The following CES5A variants were observed in gnomAD, a reference collection of about 807,000 sequenced individuals.
CES5A encodes carboxylesterase 5.
Under a neutral mutation model 62.9 loss-of-function variants are expected in CES5A, and 67 were observed. The observed-to-expected ratio is 1.07, with a 90% confidence interval of 0.88 to 1.31. The LOEUF (loss-of-function observed/expected upper bound fraction) is 1.31. Among genes scored for constraint, CES5A ranks in the 50% most tolerant of loss-of-function variants. The pLI, the probability that CES5A is intolerant of heterozygous loss-of-function variation, is 0.00. For synonymous variants in CES5A, 296 were observed against 280.8 expected (o/e 1.05, Z -0.54); for missense variants, 748 against 708.5 (o/e 1.06, Z -0.63).
intron 2 of CES5A, among the ~76,000 whole-genome samples, chr16:55,937,933 T>C (rs2034394262): frequency 6.6e-6 from 1 of 152,160 alleles, no homozygotes; most frequent in Non-Finnish European, 1.5e-5. Flanking sequence ...ATCTACCCCC[T>C]AGTTTGGGAT....
At chr16:55,920,403 G>A (rs1265142448) in intron 1 of CES5A, among the ~76,000 whole-genome samples, 2 of 152,178 alleles carry the variant, frequency 1.3e-5, no homozygotes, top group East Asian at 1.9e-4. Flanking sequence ...CAGACAAAAA[G>A]GGGAGGCAAG....
chr16:55,926,933 T>C (rs2034263515), upstream of CES5A, among the ~76,000 whole-genome samples: 1 of 152,216 alleles, frequency 6.6e-6, no homozygotes, highest in Non-Finnish European at 1.5e-5. Context: ...ATTGTACTGG[T>C]AAAGCCATGT....
intron 1 of CES5A, among the ~76,000 whole-genome samples, chr16:55,912,602 GGAGGAGGAA>G (rs1163116493): frequency 1.3e-5 from 2 of 151,978 alleles, no homozygotes; most frequent in African/African-American, 2.4e-5. Flanking sequence ...AAGACAAGGA[GGAGGAGGAA>G]GAGGAGGAAG....
chr16:55,911,493 G>A (rs78439071), intron 1 of CES5A, among the ~76,000 whole-genome samples: 3,919 of 152,264 alleles, frequency 0.026, 63 homozygotes, highest in Non-Finnish European at 0.03. Context: ...AAACAAAGGT[G>A]CATGTCTTTC....
intron 1 of CES5A, among the ~76,000 whole-genome samples, chr16:55,919,531 C>T (rs532262384): frequency 1.3e-5 from 2 of 152,308 alleles, no homozygotes; most frequent in South Asian, 4.1e-4. Flanking sequence ...CAGCCCAGAA[C>T]CCTGCACCCT....
At chr16:55,914,149 T>A (rs1386832734) in intron 1 of CES5A, among the ~76,000 whole-genome samples, 5 of 152,218 alleles carry the variant, frequency 3.3e-5, no homozygotes, top group Non-Finnish European at 5.9e-5. Context: ...GTTCAACTTT[T>A]ACAGGGCCTC....
In CES5A at chr16:55,861,470, T is replaced by G. The variant is rs2033349358; in HGVS notation, c.857A>C (p.Glu286Ala). ...HFCGNNASDSEALLRCLRTKP... is the reference protein window; with the variant it reads ...HFCGNNASDSAALLRCLRTKP... ...TGTCCTCAGGCACCTCAGCAGGGCC[T>G]CAGAGTCTGACGCATTGTTACCACA... Residue 286 changes from glutamate (E) to alanine (A), a missense_variant, in exon 7 of 13, where the codon GAG (glutamate) becomes GCG (alanine). By Grantham distance (107) the Glu-to-Ala change is moderately radical. Transcript: ENST00000290567. 1.2e-6 allele frequency: 2 copies of G among 1,613,926 alleles called. No homozygotes were observed. Among genetic ancestry groups the G allele is most frequent in the Non-Finnish European group, 1.7e-6 (2 of 1,179,908 alleles).
At chr16:55,890,780 A>T (rs1465424934) in intron 1 of CES5A, among the ~76,000 whole-genome samples, 1 of 152,152 alleles carries the variant, frequency 6.6e-6, no homozygotes. Flanking sequence ...AACTCCAAAA[A>T]TCTGAGACAA....
At chr16:55,944,356 T>C in intron 2 of CES5A, 1 of 451,324 alleles carries the variant, frequency 2.2e-6, no homozygotes, top group Non-Finnish European at 4.0e-6. Context: ...ATAAACTCTC[T>C]ACCACCATTG....
intron 1 of CES5A, among the ~76,000 whole-genome samples, chr16:55,901,134 T>C (rs1451289968): frequency 6.6e-6 from 1 of 152,084 alleles, no homozygotes; most frequent in African/African-American, 2.4e-5. Context: ...GTCTTTCCCA[T>C]GCTGTTCTCA....
At chr16:55,887,515 C>T (rs1020520508) in intron 1 of CES5A, among the ~76,000 whole-genome samples, 3 of 152,062 alleles carry the variant, frequency 2.0e-5, no homozygotes, top group Non-Finnish European at 4.4e-5. Context: ...GTCTCAGATC[C>T]ATCAGGGGTA....
At chr16:55,856,499 C>T (rs1227957478) in intron 8 of CES5A, 54 bp from the exon 9 acceptor site, 1 of 1,559,574 alleles carries the variant, frequency 6.4e-7, no homozygotes, top group African/African-American at 1.4e-5. Flanking sequence ...AAGGTAAACC[C>T]ATCTCCCCAA....
rs556065376 is a variant in CES5A, at chr16:55,846,597, C to A, written c.1582G>T (p.Gly528Ter). The A allele has an allele frequency of 1.2e-6, 2 of 1,614,076 alleles. No homozygotes were observed. Among genetic ancestry groups the A allele is most frequent in the African/African-American group, 2.7e-5 (2 of 75,018 alleles). Residue 528 changes from glycine to a stop codon, truncating the protein, a stop_gained, in exon 13 of 13, where the codon GGA becomes TGA. Transcript: ENST00000290567. LOFTEE classifies it low-confidence loss of function (END_TRUNC). ...ACCCGCGGTTCTTTGAGTCTCTGTC[C>A]GAGGCTCATGTTCAAGTCCAGCTGG... ...YLQLDLNMSL[G>*]QRLKEPRVDF... is the part of the protein sequence containing the mutation.
At chr16:55,949,438 A>G (rs1366183473) in intron 2 of CES5A, among the ~76,000 whole-genome samples, 1 of 152,174 alleles carries the variant, frequency 6.6e-6, no homozygotes. Flanking sequence ...CACTGCCAGC[A>G]GTTGGGGAAA....
chr16:55,925,618 C>T (rs117471590), upstream of CES5A, among the ~76,000 whole-genome samples: 55 of 152,146 alleles, frequency 3.6e-4, 1 homozygote, highest in East Asian at 0.01. Flanking sequence ...AACCTAACTG[C>T]TCAACAGTGG....
At chr16:55,872,846 C>A (rs539983942) in intron 2 of CES5A, among the ~76,000 whole-genome samples, 61 of 152,288 alleles carry the variant, frequency 4.0e-4, no homozygotes, top group African/African-American at 1.4e-3. Flanking sequence ...TTACTGTTTA[C>A]GTTCCTGCCA....
At chr16:55,889,221 C>T (rs2033848252) in intron 1 of CES5A, among the ~76,000 whole-genome samples, 1 of 152,166 alleles carries the variant, frequency 6.6e-6, no homozygotes, top group Non-Finnish European at 1.5e-5. Flanking sequence ...TGTATTTCCC[C>T]ATACACCAAG....
intron 6 of CES5A, among the ~76,000 whole-genome samples, 180 bp downstream of exon 6, chr16:55,863,168 G>C (rs532507508): frequency 6.6e-6 from 1 of 152,158 alleles, no homozygotes; most frequent in Non-Finnish European, 1.5e-5. Context: ...GCATTGTGTA[G>C]CTAGACCCAT....
chr16:55,892,407 C>G (rs935984820), intron 1 of CES5A, among the ~76,000 whole-genome samples: 2 of 152,116 alleles, frequency 1.3e-5, no homozygotes, highest in African/African-American at 4.8e-5. Context: ...TTCTCTTGAC[C>G]TCCTGAGGGC....
Sources: allele counts gnomAD v4.1 joint callset (sites outside exome capture counted in the v4.1 genomes callset), GRCh38; gene constraint gnomAD v4.1.1; transcripts MANE v1.5; gene names NCBI Gene and HGNC (gene_info 2026-07-23, HGNC 2026-07-21).